Variants in ZFHX4 observed in about 807,000 individuals in gnomAD.
The protein encoded by ZFHX4 is zinc finger homeobox protein 4.
Under a neutral mutation model 267.6 loss-of-function variants are expected in ZFHX4, and 56 were observed. The observed-to-expected ratio is 0.21, with a 90% CI of 0.17 to 0.26. The LOEUF (loss-of-function observed/expected upper bound fraction) is 0.26, where lower values mean the gene tolerates loss of function less well. ZFHX4 is among the 10% of genes least tolerant of loss of function. The pLI is 1.00. For synonymous variants in ZFHX4, 1,778 were observed against 1,665.6 expected (o/e 1.07, Z -1.64); for missense variants, 4,332 against 4,420.0 (o/e 0.98, Z 0.56).
At chr8:76,833,922 A>T (rs1223711332) in intron 5 of ZFHX4, among the ~76,000 whole-genome samples, 2 of 152,074 alleles carry the variant, frequency 1.3e-5, no homozygotes, top group East Asian at 3.9e-4. Flanking sequence ...TAAACCAGTG[A>T]TCCTTTATGG....
At chr8:76,682,575 C>T (rs987363113) in intron 1 of ZFHX4, 2 of 152,274 alleles carry the variant, frequency 1.3e-5, no homozygotes, top group African/African-American at 4.8e-5. Context: ...GCTGCTTGCT[C>T]CGAACGGAAC....
At chr8:76,802,098 C>A (rs1302834932) in intron 4 of ZFHX4, among the ~76,000 whole-genome samples, 1 of 152,096 alleles carries the variant, frequency 6.6e-6, no homozygotes, top group African/African-American at 2.4e-5. Context: ...CATAGAATCG[C>A]GAATGAGATA....
intron 3 of ZFHX4, among the ~76,000 whole-genome samples, chr8:76,775,720 G>A (rs1024922519): frequency 2.6e-5 from 4 of 152,034 alleles, no homozygotes. Flanking sequence ...GTGTTTTACG[G>A]AAGATCAGAT....
At chr8:76,790,720 T>C (rs994825497) in intron 4 of ZFHX4, among the ~76,000 whole-genome samples, 1 of 152,108 alleles carries the variant, frequency 6.6e-6, no homozygotes, top group Admixed American at 6.6e-5. Flanking sequence ...TCAGTTATCT[T>C]TTTTTGCCTA....
intron 3 of ZFHX4, among the ~76,000 whole-genome samples, chr8:76,771,293 A>C (rs187937502): frequency 6.6e-6 from 1 of 152,222 alleles, no homozygotes; most frequent in East Asian, 1.9e-4. Flanking sequence ...CCCTTCATGG[A>C]TTTAGGCTGT....
In ZFHX4 at chr8:76,855,584, T is replaced by A. The variant is rs758819962; in HGVS notation, c.8663T>A (p.Ile2888Asn). 4.3e-6 allele frequency: 7 copies of A among 1,613,872 alleles called. No homozygotes were observed. The highest frequency in any genetic ancestry group is 5.9e-6 in the Non-Finnish European group (7 of 1,179,852). Residue 2888 changes from isoleucine to asparagine, a missense_variant, in exon 10 of 11, where the codon ATC becomes AAC. Around this residue, in one of 7 missense-constraint regions of ZFHX4, gnomAD observed 1,648 missense variants for 1,625.0 expected, o/e 1.01. Transcript: ENST00000651372. ...GGCGACCACGACCAAAGCTTTTACATCACAGATGACCCGGATGACAACGCC... is the reference window on the plus strand; with the variant it reads ...GGCGACCACGACCAAAGCTTTTACAACACAGATGACCCGGATGACAACGCC... ...KDGDHDQSFY[I>N]TDDPDDNADR...
intron 4 of ZFHX4, among the ~76,000 whole-genome samples, chr8:76,803,109 G>C (rs937531462): frequency 1.3e-5 from 2 of 152,042 alleles, no homozygotes; most frequent in African/African-American, 4.8e-5. Context: ...TCAACCAACA[G>C]TAAGCAATAT....
chr8:76,737,297 T>A (rs1006978219), intron 3 of ZFHX4, among the ~76,000 whole-genome samples: 2 of 152,152 alleles, frequency 1.3e-5, no homozygotes, highest in Non-Finnish European at 2.9e-5. Flanking sequence ...TTTAAGAAAA[T>A]ATCAGAGGGC....
chr8:76,696,546 T>G (rs180907213), intron 1 of ZFHX4, among the ~76,000 whole-genome samples: 1 of 150,774 alleles, frequency 6.6e-6, no homozygotes. Context: ...TAATGAAATC[T>G]AATTAAAGTT....
chr8:76,849,350 A>G lies in ZFHX4; in HGVS notation c.3646-162A>G, dbSNP rs58132941. 0.067 allele frequency among the ~76,000 whole-genome samples: 10,191 copies of G among 152,280 alleles called. 839 individuals carry two copies. The highest frequency in any genetic ancestry group is 0.37 in the East Asian group (1,917 of 5,170). On this transcript the variant is annotated intron_variant, in intron 7 of 10. Transcript: ENST00000651372. ...TTGGAATGGTCTTAGTACAAGAAATAGTGAATGTCTGAGGTGATGGATATC... is the reference window on the plus strand; with the variant it reads ...TTGGAATGGTCTTAGTACAAGAAATGGTGAATGTCTGAGGTGATGGATATC...
rs923180623 is a variant in ZFHX4, at chr8:76,778,213, G to A, written c.3099G>A (p.Leu1033=). 1.9e-6 allele frequency: 3 copies of A among 1,609,844 alleles called. No homozygotes were observed. Among genetic ancestry groups the A allele is most frequent in the Non-Finnish European group, 2.6e-6 (3 of 1,176,424 alleles). Residue 1033 remains leucine, a synonymous_variant, in exon 4 of 11, where the codon TTG becomes TTA. Transcript: ENST00000651372. The part of the protein sequence containing the change: ...HEAALKLYKH[L]QKQEGAVNPE... ...GAGCCTTCCCTTCCTTTCAGCACTTGCAGAAGCAAGAGGGTGCAGTGAATC... is the reference window on the plus strand; with the variant it reads ...GAGCCTTCCCTTCCTTTCAGCACTTACAGAAGCAAGAGGGTGCAGTGAATC...
chr8:76,848,187 T>A (rs1295679483), intron 6 of ZFHX4, among the ~76,000 whole-genome samples: 1 of 152,194 alleles, frequency 6.6e-6, no homozygotes, highest in Non-Finnish European at 1.5e-5. Context: ...GCCTACCCAA[T>A]GTCGCTGTAA....
At chr8:76,706,761 A>G in intron 2 of ZFHX4, 83 bp downstream of exon 2, 1 of 1,391,694 alleles carries the variant, frequency 7.2e-7, no homozygotes. Flanking sequence ...TAAAATGGTG[A>G]GTGCCAACAA....
chr8:76,733,504 A>G (rs1809076041), intron 3 of ZFHX4: 1 of 152,216 alleles, frequency 6.6e-6, no homozygotes. Flanking sequence ...AAAGGAAGAA[A>G]AAAAATTTAA....
chr8:76,694,672 A>G (rs1036156849), intron 1 of ZFHX4, among the ~76,000 whole-genome samples: 1 of 21,116 alleles, frequency 4.7e-5, no homozygotes, highest in African/African-American at 1.8e-4. Context: ...CCCGCCCCCC[A>G]CCCTCCGCCC....
intron 3 of ZFHX4, among the ~76,000 whole-genome samples, chr8:76,715,650 G>A (rs189917451): frequency 9.5e-4 from 144 of 152,024 alleles, no homozygotes; most frequent in Non-Finnish European, 1.5e-3. Context: ...ATACATTATT[G>A]TAATGACCAG....
Position 76,855,158 on chromosome 8 carries a change from A to G in ZFHX4, c.8237A>G (p.Asn2746Ser), listed in dbSNP as rs763044514. 5.0e-6 allele frequency: 8 copies of G among 1,613,760 alleles called. No individual in the cohort carries two copies. The highest frequency in any genetic ancestry group is 2.2e-5 in the South Asian group (2 of 91,034). ...PLTKIDLSSE[N>S]ELASTVSTPV... Reference sequence around the variant, plus strand: ...ACTAAAATTGATCTATCAAGTGAGAATGAATTGGCTTCTACAGTGTCAACA... The same window carrying G: ...ACTAAAATTGATCTATCAAGTGAGAGTGAATTGGCTTCTACAGTGTCAACA... The change falls in exon 10 of 11, where the codon AAT (asparagine) becomes AGT (serine). Residue 2746 changes from asparagine (N) to serine (S), a missense_variant. Coordinates refer to ENST00000651372, the MANE Select transcript of ZFHX4 (RefSeq NM_024721.5).
intron 3 of ZFHX4, among the ~76,000 whole-genome samples, chr8:76,729,841 A>G (rs1013330660): frequency 6.6e-6 from 1 of 152,212 alleles, no homozygotes; most frequent in Admixed American, 6.5e-5. Flanking sequence ...ATGGGTTTAC[A>G]GATGACTAAA....
In ZFHX4 at chr8:76,682,011, C is replaced by T. The variant is rs559076878; in HGVS notation, c.-47+391C>T. 6.6e-5 allele frequency among the ~76,000 whole-genome samples: 10 copies of T among 152,258 alleles called. No homozygotes were observed. In the South Asian group the frequency reaches 2.1e-3, roughly 32 times the overall value. On this transcript the variant is annotated intron_variant, in intron 1 of 10. Transcript: ENST00000651372. ...GCTTGGGCAGTTTTCTCTCCTTTTCCCTGTCTTTTCGGGTTTTGCCTTCCC... is the reference window on the plus strand; with the variant it reads ...GCTTGGGCAGTTTTCTCTCCTTTTCTCTGTCTTTTCGGGTTTTGCCTTCCC...
Sources: gnomAD v4.1 joint callset for allele counts (sites outside exome capture counted in the v4.1 genomes callset) on GRCh38, gnomAD v4.1.1 for gene constraint, gnomAD v4.1.1 regional missense constraint, MANE v1.5 for transcripts, NCBI Gene and HGNC (gene_info 2026-07-23, HGNC 2026-07-21) for gene names.